Variants in GAB1 observed in about 807,000 individuals in gnomAD.
The protein encoded by GAB1 is GRB2 associated binding protein 1.
GAB1 carries 19 observed loss-of-function variants against 66.5 expected under a neutral mutation model. The ratio of observed to expected loss-of-function variants is 0.29; its 90% CI spans 0.20 to 0.42. The LOEUF (loss-of-function observed/expected upper bound fraction) is 0.42. Among genes scored for constraint, GAB1 ranks in the 10% least tolerant of loss-of-function variants. The pLI, the probability that GAB1 is intolerant of heterozygous loss-of-function variation, is 1.00. For synonymous variants in GAB1, 294 were observed against 301.4 expected, an observed-to-expected ratio of 0.98 and a Z score of 0.25; for missense variants, 732 against 858.5, an observed-to-expected ratio of 0.85 and a Z score of 1.84.
chr4:143,356,712 C>T (rs1032049524), intron 1 of GAB1, among the ~76,000 whole-genome samples: 5 of 152,148 alleles, frequency 3.3e-5, no homozygotes, highest in African/African-American at 9.7e-5. Flanking sequence ...GATGCAAACA[C>T]CACGTTAGCC....
intron 2 of GAB1, among the ~76,000 whole-genome samples, chr4:143,421,557 A>T (rs6815308): frequency 0.028 from 4,248 of 152,006 alleles, 214 homozygotes; most frequent in African/African-American, 0.098. Flanking sequence ...TCAATGTTTG[A>T]TGTTGTCAGT....
intron 1 of GAB1, among the ~76,000 whole-genome samples, chr4:143,362,188 G>A (rs1729689747): frequency 6.6e-6 from 1 of 152,114 alleles, no homozygotes; most frequent in Non-Finnish European, 1.5e-5. Context: ...AGAAAAATAA[G>A]GACAACAGCT....
chr4:143,353,413 A>G (rs1459499051), intron 1 of GAB1, among the ~76,000 whole-genome samples: 2 of 152,168 alleles, frequency 1.3e-5, no homozygotes, highest in Admixed American at 6.5e-5. Flanking sequence ...TATCTCTTTT[A>G]ACCTAAACTT....
At chr4:143,455,054 A>C (rs1325904321) in intron 6 of GAB1, among the ~76,000 whole-genome samples, 1 of 152,122 alleles carries the variant, frequency 6.6e-6, no homozygotes, top group Non-Finnish European at 1.5e-5. Flanking sequence ...ACCAGCATTC[A>C]CACAGGCTCG....
chr4:143,440,990 G>A (rs887885239), intron 6 of GAB1, among the ~76,000 whole-genome samples: 5 of 152,116 alleles, frequency 3.3e-5, no homozygotes, highest in Non-Finnish European at 7.4e-5. Context: ...AATTATTTAA[G>A]AACAGTGAGA....
chr4:143,383,257 C>A (rs1730732813), intron 1 of GAB1, among the ~76,000 whole-genome samples: 1 of 152,138 alleles, frequency 6.6e-6, no homozygotes, highest in African/African-American at 2.4e-5. Context: ...TCTGAAATGG[C>A]CACCATCAGA....
At chr4:143,410,145 C>G (rs912493426) in intron 1 of GAB1, among the ~76,000 whole-genome samples, 1 of 151,846 alleles carries the variant, frequency 6.6e-6, no homozygotes, top group Admixed American at 6.6e-5. Context: ...CTGATCTTCT[C>G]TCTTGCCTGC....
rs1736174689 is a variant in GAB1 at position 143,473,755 on chromosome 4, C to T, written c.*4566C>T. Reference sequence around the variant, plus strand: ...ATTTCTATGAAAGTTTCAAACATCTCCAGTACTTTATAAAATCCCAACAAT... The same window carrying T: ...ATTTCTATGAAAGTTTCAAACATCTTCAGTACTTTATAAAATCCCAACAAT... On this transcript the variant is annotated 3_prime_UTR_variant, in exon 10 of 10. Transcript: ENST00000262994. 1 of 152,182 alleles carries T rather than the reference C, an allele frequency of 6.6e-6. No homozygotes were observed. Among genetic ancestry groups the T allele is most frequent in the Admixed American group, 6.6e-5 (1 of 15,262 alleles). The allele number at this position is 152,182 out of a possible 1,614,324, so 9.4% of individuals were successfully genotyped here.
chr4:143,443,136 C>G (rs1734330618), intron 6 of GAB1, among the ~76,000 whole-genome samples: 1 of 151,490 alleles, frequency 6.6e-6, no homozygotes, highest in African/African-American at 2.4e-5. Flanking sequence ...CCTGCCTCAG[C>G]TTCCCGAGTA....
intron 1 of GAB1, among the ~76,000 whole-genome samples, chr4:143,402,821 C>T (rs28925882): frequency 0.049 from 7,475 of 152,272 alleles, 200 homozygotes; most frequent in African/African-American, 0.053. Context: ...AAGCCAATCC[C>T]TGTGCTCCAA....
chr4:143,396,610 G>A (rs1048450460), intron 1 of GAB1, among the ~76,000 whole-genome samples: 1 of 152,292 alleles, frequency 6.6e-6, no homozygotes. Flanking sequence ...AGATCTAAAA[G>A]AGGTAAGTCA....
intron 1 of GAB1, among the ~76,000 whole-genome samples, chr4:143,342,219 C>G (rs909954925): frequency 4.6e-5 from 7 of 152,164 alleles, no homozygotes; most frequent in Admixed American, 4.6e-4. Flanking sequence ...AATCTGATTG[C>G]TACCTTTTGA....
At chr4:143,357,320 A>C (rs1336655841) in intron 1 of GAB1, among the ~76,000 whole-genome samples, 1 of 152,190 alleles carries the variant, frequency 6.6e-6, no homozygotes, top group Non-Finnish European at 1.5e-5. Context: ...GTATCTGTTC[A>C]GAAATACTTT....
chr4:143,384,298 A>C (rs1431712174), intron 1 of GAB1, among the ~76,000 whole-genome samples: 2 of 152,222 alleles, frequency 1.3e-5, no homozygotes, highest in African/African-American at 4.8e-5. Flanking sequence ...TTAATTTTTA[A>C]TTAGCTGTTC....
rs559311418 is a variant in GAB1 at position 143,390,028 on chromosome 4, G to T, written c.73-25449G>T. 2.6e-5 allele frequency among the ~76,000 whole-genome samples: 4 copies of T among 152,228 alleles called. No individual in the cohort carries two copies. The South Asian group carries it at 6.2e-4, about 24-fold the overall frequency. ...AGTGTTGTGTAACAGTGTTTCACAG[G>T]CTCTTTCATAATAAACATAATATTA... is the stretch of plus-strand genomic sequence containing the variant. On this transcript the variant is annotated intron_variant, in intron 1 of 9. Coordinates refer to ENST00000262994, the MANE Select transcript of GAB1 (RefSeq NM_002039.4).
chr4:143,367,343 G>A (rs991771250), intron 1 of GAB1, among the ~76,000 whole-genome samples: 7 of 152,100 alleles, frequency 4.6e-5, no homozygotes, highest in African/African-American at 1.7e-4. Flanking sequence ...GGGACTGGTG[G>A]CATTTTCAAT....
chr4:143,454,874 G>A (rs7699723), intron 6 of GAB1, among the ~76,000 whole-genome samples: 4,082 of 151,970 alleles, frequency 0.027, 186 homozygotes, highest in African/African-American at 0.094. Flanking sequence ...GAAGACTAAA[G>A]CAAGATAGGA....
At chr4:143,408,101 CTT>C (rs1469600650) in intron 1 of GAB1, among the ~76,000 whole-genome samples, 3 of 152,208 alleles carry the variant, frequency 2.0e-5, no homozygotes, top group African/African-American at 4.8e-5. Context: ...AGTCGTGACT[CTT>C]TATCTGTCTA....
intron 1 of GAB1, among the ~76,000 whole-genome samples, chr4:143,381,691 G>A (rs1001848217): frequency 6.6e-5 from 10 of 152,156 alleles, no homozygotes; most frequent in Admixed American, 2.0e-4. Context: ...TTAGAGTTCA[G>A]TGAAGACCGT....
Sources: allele counts gnomAD v4.1 joint callset (sites outside exome capture counted in the v4.1 genomes callset), GRCh38; gene constraint gnomAD v4.1.1; transcripts MANE v1.5; gene names NCBI Gene and HGNC (gene_info 2026-07-23, HGNC 2026-07-21).